STAU2: variants seen among roughly 807,000 people sequenced by gnomAD.
The protein encoded by STAU2 is double-stranded RNA-binding protein Staufen homolog 2.
A neutral mutation model predicts 65.9 loss-of-function variants in STAU2; 20 were observed. The ratio of observed to expected loss-of-function variants is 0.30; its 90% CI spans 0.21 to 0.44. STAU2 has a LOEUF of 0.44. Ranked by LOEUF, STAU2 falls within the 20% of genes least tolerant of loss-of-function variation. The pLI, the probability that STAU2 is intolerant of heterozygous loss-of-function variation, is 1.00. For missense variants in STAU2, 558 were observed against 683.9 expected (o/e 0.82, Z 2.05); for synonymous variants, 232 against 233.9 (o/e 0.99, Z 0.07).
At chr8:73,560,432 A>C (rs1808139668) in intron 12 of STAU2, among the ~76,000 whole-genome samples, 1 of 152,120 alleles carries the variant, frequency 6.6e-6, no homozygotes, top group African/African-American at 2.4e-5. Flanking sequence ...AGTGGTGAAA[A>C]TCAACCTTGC....
intron 12 of STAU2, among the ~76,000 whole-genome samples, chr8:73,567,525 T>A (rs1204490066): frequency 6.6e-6 from 1 of 151,838 alleles, no homozygotes; most frequent in African/African-American, 2.4e-5. Context: ...AAAATTGATT[T>A]TTTTTTCAAA....
chr8:73,591,882 T>TAAAAAAAAAAAAAAA (rs34533172), intron 11 of STAU2, among the ~76,000 whole-genome samples: 9 of 28,474 alleles, frequency 3.2e-4, no homozygotes, highest in African/African-American at 5.7e-4. Flanking sequence ...ATCCCAGAGG[T>TAAAAAAAAAAAAAAA]AAAAAAAAAA....
chr8:73,568,608 CA>C (rs11335188), intron 12 of STAU2, among the ~76,000 whole-genome samples: 119,053 of 149,668 alleles, frequency 0.8, 47,463 homozygotes, highest in Admixed American at 0.83. Flanking sequence ...GACCCTATCT[CA>C]AAAAAAAAAA....
chr8:73,503,694 A>G (rs908000453), intron 13 of STAU2, among the ~76,000 whole-genome samples: 1 of 152,118 alleles, frequency 6.6e-6, no homozygotes. Flanking sequence ...CAAGTATAAA[A>G]TTAGAATATT....
At chr8:73,693,824 C>CT (rs1819522510) in intron 4 of STAU2, among the ~76,000 whole-genome samples, 1 of 152,182 alleles carries the variant, frequency 6.6e-6, no homozygotes, top group Non-Finnish European at 1.5e-5. Flanking sequence ...CTTCTTACCT[C>CT]TTTAGTGAAA....
intron 4 of STAU2, among the ~76,000 whole-genome samples, chr8:73,708,326 T>A (rs777397315): frequency 2.0e-5 from 3 of 152,092 alleles, no homozygotes; most frequent in Non-Finnish European, 4.4e-5. Flanking sequence ...ATTATGATAA[T>A]CTCCAATAGC....
chr8:73,526,961 C>T (rs1157741166), intron 13 of STAU2, among the ~76,000 whole-genome samples: 1 of 152,190 alleles, frequency 6.6e-6, no homozygotes, highest in Non-Finnish European at 1.5e-5. Context: ...CACAGTTGTT[C>T]TACATACAGT....
intron 6 of STAU2, among the ~76,000 whole-genome samples, chr8:73,627,947 A>C (rs1220654504): frequency 1.3e-5 from 2 of 152,124 alleles, no homozygotes; most frequent in Non-Finnish European, 2.9e-5. Context: ...TCAAGTGACA[A>C]ACCAGTTGAA....
rs34324889 is a variant in STAU2, at chr8:73,739,232, CA to C, written c.-84+523del. ...TAGGCGACAGAGCGAGACTCCATCT[CA>C]AAAAAAAAAAAAAAAAAAATTTTAA... On this transcript the variant is annotated intron_variant, in intron 2 of 14. Transcript: ENST00000524300. Among the ~76,000 whole-genome samples, 979 of 106,412 alleles carry C rather than the reference CA, an allele frequency of 9.2e-3. 9 individuals are homozygous for C. The highest frequency in any genetic ancestry group is 0.028 in the African/African-American group (751 of 26,756). The allele number at this position is 106,412 out of a possible 152,430, so 69.8% of individuals were successfully genotyped here.
At chr8:73,688,858 A>C in intron 4 of STAU2, 45 bp from the exon 5 acceptor site, 1 of 1,588,714 alleles carries the variant, frequency 6.3e-7, no homozygotes, top group Non-Finnish European at 8.6e-7. Context: ...AGACTTTTCC[A>C]AGAAATAAAA....
chr8:73,638,248 A>T (rs969518128), intron 6 of STAU2, among the ~76,000 whole-genome samples: 18 of 151,816 alleles, frequency 1.2e-4, no homozygotes, highest in Non-Finnish European at 2.1e-4. Context: ...CCACAAAAAT[A>T]AAAAAGTAAA....
intron 12 of STAU2, among the ~76,000 whole-genome samples, chr8:73,556,690 G>A (rs1807799932): frequency 6.6e-6 from 1 of 152,172 alleles, no homozygotes; most frequent in Admixed American, 6.5e-5. Context: ...CCGGGAGGTG[G>A]AGGTTCCAGT....
At chr8:73,494,495 C>T (rs1017002036) in intron 13 of STAU2, among the ~76,000 whole-genome samples, 2 of 151,568 alleles carry the variant, frequency 1.3e-5, no homozygotes, top group African/African-American at 2.4e-5. Flanking sequence ...ACATTTTAAC[C>T]TCTATTAATA....
chr8:73,448,176 T>G (rs4738360), intron 13 of STAU2, among the ~76,000 whole-genome samples: 5,930 of 152,134 alleles, frequency 0.039, 269 homozygotes, highest in Admixed American at 0.13. Context: ...TACCCATGAG[T>G]GTTAAACTAG....
At chr8:73,432,495 C>T (rs979950729) in intron 13 of STAU2, among the ~76,000 whole-genome samples, 12 of 152,094 alleles carry the variant, frequency 7.9e-5, no homozygotes, top group African/African-American at 2.4e-4. Flanking sequence ...CTAAGTTATC[C>T]TTTTCTTTCT....
intron 10 of STAU2, among the ~76,000 whole-genome samples, chr8:73,597,733 A>G (rs1256178177): frequency 2.6e-5 from 4 of 151,640 alleles, no homozygotes; most frequent in African/African-American, 9.7e-5. Context: ...ATTTAAAAAC[A>G]TATTTAGATA....
chr8:73,552,194 A>G lies in STAU2; in HGVS notation c.1348T>C (p.Ser450Pro), dbSNP rs1324706103. 3 of 1,613,998 alleles carry G rather than the reference A, an allele frequency of 1.9e-6. No individual in the cohort carries two copies. Among genetic ancestry groups the G allele is most frequent in the Admixed American group, 3.3e-5 (2 of 60,012 alleles). The part of the protein sequence containing the change: ...SPKDMNQPSS[S>P]FFSISPTSNS... ...GATGTGGGAGATATACTGAAGAAAGAGCTTGAAGGTTGGTTCATATCTTTG... is the reference window on the plus strand; with the variant it reads ...GATGTGGGAGATATACTGAAGAAAGGGCTTGAAGGTTGGTTCATATCTTTG... The change falls in exon 13 of 15, where the codon TCT becomes CCT. Residue 450 changes from serine to proline, a missense_variant. Transcript: ENST00000524300.
intron 13 of STAU2, among the ~76,000 whole-genome samples, chr8:73,478,557 T>C (rs184432409): frequency 1.3e-5 from 2 of 152,218 alleles, no homozygotes; most frequent in Admixed American, 1.3e-4. Flanking sequence ...ACTATTTACA[T>C]AAGTATATTT....
intron 13 of STAU2, among the ~76,000 whole-genome samples, chr8:73,504,827 CAGTT>C (rs572004491): frequency 1.3e-5 from 2 of 152,012 alleles, no homozygotes; most frequent in Non-Finnish European, 2.9e-5. Flanking sequence ...TTCTTTCAAG[CAGTT>C]AGTATTCACT....
Sources: gnomAD v4.1 joint callset for allele counts (sites outside exome capture counted in the v4.1 genomes callset) on GRCh38, gnomAD v4.1.1 for gene constraint, MANE v1.5 for transcripts, NCBI Gene and HGNC (gene_info 2026-07-23, HGNC 2026-07-21) for gene names.